The following MYZAP variants were observed in gnomAD, a reference collection of about 807,000 sequenced individuals.
The protein encoded by MYZAP is myocardial zonula adherens protein.
MYZAP carries 66 observed loss-of-function variants against 69.4 expected under a neutral mutation model. The observed-to-expected ratio is 0.95, with a 90% CI of 0.78 to 1.17. MYZAP has a LOEUF of 1.17. Among genes scored for constraint, MYZAP ranks in the 50% most tolerant of loss-of-function variants. MYZAP has a pLI of 0.00. For missense variants in MYZAP, 611 were observed against 556.2 expected, an observed-to-expected ratio of 1.10 and a Z score of -0.99; for synonymous variants, 256 against 205.9, an observed-to-expected ratio of 1.24 and a Z score of -2.09.
chr15:57,677,208 G>C (rs1422416913), intron 12 of MYZAP, among the ~76,000 whole-genome samples: 1 of 152,242 alleles, frequency 6.6e-6, no homozygotes, highest in Admixed American at 6.5e-5. Context: ...AGGAGGGTTA[G>C]TGAGCGGCTG....
At chr15:57,620,514 T>G (rs1567210181) in intron 3 of MYZAP, among the ~76,000 whole-genome samples, 1 of 152,174 alleles carries the variant, frequency 6.6e-6, no homozygotes, top group Non-Finnish European at 1.5e-5. Context: ...TGTAAGGTCT[T>G]TTGTTGTGTT....
chr15:57,673,328 C>T (rs745711938), intron 11 of MYZAP, among the ~76,000 whole-genome samples: 8 of 152,200 alleles, frequency 5.3e-5, no homozygotes, highest in Non-Finnish European at 1.0e-4. Flanking sequence ...GATGGTATTA[C>T]TGGAGTATCC....
chr15:57,613,117 A>G (rs2035215768), intron 2 of MYZAP, among the ~76,000 whole-genome samples: 1 of 151,874 alleles, frequency 6.6e-6, no homozygotes, highest in Non-Finnish European at 1.5e-5. Flanking sequence ...TATTTTTATT[A>G]GAGATGGGGT....
chr15:57,678,267 C>CA (rs1296792475), intron 12 of MYZAP, among the ~76,000 whole-genome samples: 1 of 151,992 alleles, frequency 6.6e-6, no homozygotes, highest in Non-Finnish European at 1.5e-5. Context: ...GAGGCTGAGA[C>CA]AGGAGAATAG....
intron 10 of MYZAP, among the ~76,000 whole-genome samples, chr15:57,644,665 T>C (rs1165488425): frequency 1.3e-5 from 2 of 152,176 alleles, no homozygotes; most frequent in Non-Finnish European, 2.9e-5. Context: ...AGGGTTTCAC[T>C]ATGTTGTTCA....
At position 57,591,956 on chromosome 15, in the gene MYZAP, C is replaced by G; in HGVS notation, c.-79C>G. The G allele has an allele frequency of 8.1e-7, 1 of 1,235,084 alleles. No homozygotes were observed. The highest frequency in any genetic ancestry group is 1.6e-5 in the African/African-American group (1 of 63,486). 76.5% of individuals were successfully genotyped at this position (1,235,084 alleles called of 1,614,324 possible). On this transcript the variant is annotated 5_prime_UTR_variant, in exon 1 of 13. Coordinates refer to ENST00000267853, the MANE Select transcript of MYZAP (RefSeq NM_001018100.5). ...AGCCGGCGCCGTCCCGCGTCGCCCC[C>G]GCGCAGGGCGGGCCCCGCACGCTTA...
At chr15:57,601,467 G>A (rs1426985904) in intron 1 of MYZAP, among the ~76,000 whole-genome samples, 1 of 152,092 alleles carries the variant, frequency 6.6e-6, no homozygotes, top group Non-Finnish European at 1.5e-5. Context: ...AGTCTGAGGG[G>A]CCTGGAGCCA....
intron 1 of MYZAP, among the ~76,000 whole-genome samples, chr15:57,594,945 C>T (rs1352810043): frequency 6.6e-6 from 1 of 152,202 alleles, no homozygotes; most frequent in Non-Finnish European, 1.5e-5. Flanking sequence ...AACATGTTAT[C>T]CATTAAAATT....
At chr15:57,619,168 A>G (rs1489887128) in intron 3 of MYZAP, among the ~76,000 whole-genome samples, 1 of 152,152 alleles carries the variant, frequency 6.6e-6, no homozygotes, top group Non-Finnish European at 1.5e-5. Flanking sequence ...CAAACTCATG[A>G]TGTCTTCGCT....
chr15:57,645,883 A>G (rs1273103827), intron 10 of MYZAP, among the ~76,000 whole-genome samples: 4 of 152,256 alleles, frequency 2.6e-5, no homozygotes, highest in African/African-American at 7.2e-5. Context: ...GCGATTTTTA[A>G]GATTTAAATT....
intron 2 of MYZAP, 136 bp from the exon 3 acceptor site, chr15:57,617,897 G>A: frequency 8.2e-7 from 1 of 1,225,398 alleles, no homozygotes; most frequent in Non-Finnish European, 1.1e-6. Flanking sequence ...TGGGATTTTT[G>A]CTCCCTCCAT....
At chr15:57,631,373 G>A (rs1015936921) in intron 6 of MYZAP, among the ~76,000 whole-genome samples, 2 of 151,268 alleles carry the variant, frequency 1.3e-5, no homozygotes. Context: ...CCAGCCCACA[G>A]TTGCCTGTTT....
At chr15:57,636,262 A>C (rs1338454946) in intron 8 of MYZAP, among the ~76,000 whole-genome samples, 2 of 152,204 alleles carry the variant, frequency 1.3e-5, no homozygotes, top group Non-Finnish European at 2.9e-5. Flanking sequence ...AGGCCAGGCC[A>C]TAAGAATGTG....
intron 8 of MYZAP, among the ~76,000 whole-genome samples, 199 bp from the exon 9 acceptor site, chr15:57,637,496 T>A (rs2036882681): frequency 6.6e-6 from 1 of 152,224 alleles, no homozygotes. Context: ...ATGTTTTGTC[T>A]CTGACCCATA....
At chr15:57,626,001 AT>A in intron 5 of MYZAP, 109 bp downstream of exon 5, 1 of 980,974 alleles carries the variant, frequency 1.0e-6, no homozygotes. Context: ...ATGATTCAGA[AT>A]TCTTTAAGCA....
chr15:57,651,133 G>A (rs767069425), intron 10 of MYZAP, among the ~76,000 whole-genome samples: 36 of 152,192 alleles, frequency 2.4e-4, no homozygotes, highest in Non-Finnish European at 4.7e-4. Flanking sequence ...GAGAGCCCTG[G>A]CTAGTGCTAG....
intron 2 of MYZAP, among the ~76,000 whole-genome samples, chr15:57,607,374 G>T (rs1228051331): frequency 2.0e-5 from 3 of 152,150 alleles, no homozygotes; most frequent in Admixed American, 2.0e-4. Flanking sequence ...GTGTTTAGCT[G>T]TGTCAACTGG....
rs185218832 is a variant in MYZAP at position 57,626,354 on chromosome 15, A to G, written c.525+462A>G. On this transcript the variant is annotated intron_variant, in intron 5 of 12. Coordinates refer to ENST00000267853, the MANE Select transcript of MYZAP (RefSeq NM_001018100.5). Reference sequence around the variant, plus strand: ...TTATAATTAGAAATTATTTTGTATCAGAAAGAATCATGGATATTCCACGTC... The same window carrying G: ...TTATAATTAGAAATTATTTTGTATCGGAAAGAATCATGGATATTCCACGTC... Among the ~76,000 whole-genome samples, 330 of 152,354 alleles carry G rather than the reference A, an allele frequency of 2.2e-3. 2 individuals are homozygous for G. The highest frequency in any genetic ancestry group is 2.5e-3 in the Non-Finnish European group (168 of 68,034).
intron 10 of MYZAP, among the ~76,000 whole-genome samples, chr15:57,652,091 C>A (rs1485362861): frequency 6.6e-5 from 10 of 152,200 alleles, no homozygotes; most frequent in African/African-American, 1.9e-4. Context: ...GGCTGAATGC[C>A]ACAAGACACA....
Sources: allele counts gnomAD v4.1 joint callset (sites outside exome capture counted in the v4.1 genomes callset), GRCh38; gene constraint gnomAD v4.1.1; transcripts MANE v1.5; gene names NCBI Gene and HGNC (gene_info 2026-07-23, HGNC 2026-07-21).